The following CFAP44 variants were observed in gnomAD, a reference collection of about 807,000 sequenced individuals.
CFAP44 encodes cilia and flagella associated protein 44.
In CFAP44, 134 loss-of-function variants were observed where a neutral mutation model predicts 216.2. The observed-to-expected ratio is 0.62, with a 90% CI of 0.54 to 0.72. The LOEUF is 0.72. CFAP44 is among the 30% of genes least tolerant of loss of function. The pLI is 0.00. For synonymous variants in CFAP44, 700 were observed against 727.6 expected, an observed-to-expected ratio of 0.96 and a Z score of 0.61; for missense variants, 2,035 against 2,182.1, an observed-to-expected ratio of 0.93 and a Z score of 1.34.
intron 6 of CFAP44, among the ~76,000 whole-genome samples, chr3:113,411,319 T>C (rs1934463992): frequency 6.6e-6 from 1 of 152,228 alleles, no homozygotes; most frequent in Non-Finnish European, 1.5e-5. Context: ...AATTAATTTT[T>C]GTATAAGGTG....
chr3:113,387,308 G>A (rs1171333425), intron 15 of CFAP44, among the ~76,000 whole-genome samples: 2 of 152,078 alleles, frequency 1.3e-5, no homozygotes, highest in African/African-American at 4.8e-5. Context: ...GAGAGGAGGG[G>A]GAAAAATAAA....
Position 113,427,205 on chromosome 3 carries a change from C to G in CFAP44, c.235G>C (p.Asp79His), listed in dbSNP as rs762328209. ...EGSLSSFQYG[D>H]LQSTTVPQQT... is the part of the protein sequence containing the mutation. Reference sequence around the variant, plus strand: ...TACCTACCTGTAGTGCTTTGCAAATCACCATACTGAAATGAACTCAAACTT... The same window carrying G: ...TACCTACCTGTAGTGCTTTGCAAATGACCATACTGAAATGAACTCAAACTT... The change falls in exon 3 of 35, where the codon GAT becomes CAT. Residue 79 changes from aspartate (D) to histidine (H), a missense_variant. This residue lies in a region of CFAP44 where 149 missense variants were observed against 141.8 expected (regional missense o/e 1.05). Transcript: ENST00000393845. The G allele has an allele frequency of 1.1e-5, 18 of 1,612,882 alleles. No homozygotes were observed. Among genetic ancestry groups the G allele is most frequent in the Non-Finnish European group, 1.4e-5 (17 of 1,179,718 alleles).
In CFAP44 at chr3:113,366,305, T is replaced by A; in HGVS notation, c.2449A>T (p.Asn817Tyr). ...ATTCCACAAAACATCATAACTTTGT[T>A]AATGCTACGAAACAAAAAATGTAAA... ...NPIQTITFNI[N>Y]KVMMFCGMKN... The change falls in exon 19 of 35, where the codon AAC becomes TAC. Residue 817 changes from asparagine to tyrosine, a missense_variant. By Grantham distance (143) the Asn-to-Tyr change is moderately radical. Around this residue, in one of 3 missense-constraint regions of CFAP44, gnomAD observed 1,883 missense variants for 2,023.7 expected, o/e 0.93. Transcript: ENST00000393845. The A allele has an allele frequency of 6.3e-7, 1 of 1,591,618 alleles. No individual in the cohort carries two copies. Among genetic ancestry groups the A allele is most frequent in the Non-Finnish European group, 8.6e-7 (1 of 1,164,082 alleles).
At chr3:113,304,434 G>A (rs1473586711) in intron 31 of CFAP44, among the ~76,000 whole-genome samples, 1 of 151,998 alleles carries the variant, frequency 6.6e-6, no homozygotes, top group Non-Finnish European at 1.5e-5. Context: ...ATCCAGTTTG[G>A]GTCAGGTTAC....
intron 17 of CFAP44, among the ~76,000 whole-genome samples, chr3:113,375,437 A>G (rs1933312507): frequency 1.3e-5 from 2 of 152,234 alleles, no homozygotes; most frequent in East Asian, 3.8e-4. Context: ...AGGCTAAAGC[A>G]TGGAGAAAGA....
chr3:113,439,273 T>C (rs6780086), intron 1 of CFAP44, among the ~76,000 whole-genome samples: 6,420 of 152,180 alleles, frequency 0.042, 211 homozygotes, highest in African/African-American at 0.083. Context: ...CCCTGACAAA[T>C]AGAGCTGGGG....
At position 113,287,709 on chromosome 3, in the gene CFAP44, C is replaced by G; in HGVS notation, c.*3848G>C. 1 of 152,226 alleles carries G rather than the reference C, an allele frequency of 6.6e-6. No homozygotes were observed. Among genetic ancestry groups the G allele is most frequent in the East Asian group, 1.9e-4 (1 of 5,198 alleles). 9.4% of individuals were successfully genotyped at this position (152,226 alleles called of 1,614,324 possible). On this transcript the variant is annotated 3_prime_UTR_variant, in exon 35 of 35. Transcript: ENST00000393845. ...GACCAGGAAAAACAGGTTCATAGTT[C>G]TCTTACCAACTGGACTTGAGATGAA...
chr3:113,298,909 G>A (rs758152069), intron 32 of CFAP44, among the ~76,000 whole-genome samples: 1 of 152,128 alleles, frequency 6.6e-6, no homozygotes, highest in Non-Finnish European at 1.5e-5. Context: ...GATGGATGGT[G>A]GTGATGGTTG....
intron 15 of CFAP44, among the ~76,000 whole-genome samples, chr3:113,390,701 G>A (rs1156315188): frequency 3.3e-5 from 5 of 151,792 alleles, no homozygotes; most frequent in Admixed American, 6.6e-5. Context: ...TACACCAACA[G>A]CAAACAATCT....
intron 6 of CFAP44, among the ~76,000 whole-genome samples, chr3:113,411,557 T>C (rs1431394667): frequency 3.3e-5 from 5 of 152,208 alleles, no homozygotes; most frequent in Non-Finnish European, 7.3e-5. Context: ...AGCCTTGTAG[T>C]ATAGTTTGAA....
intron 24 of CFAP44, among the ~76,000 whole-genome samples, chr3:113,339,456 A>G (rs960518009): frequency 7.2e-5 from 11 of 152,162 alleles, no homozygotes; most frequent in Non-Finnish European, 1.3e-4. Flanking sequence ...GTATGTACCA[A>G]TGAAGTAGGG....
intron 22 of CFAP44, among the ~76,000 whole-genome samples, chr3:113,348,979 TAGAATGAC>T (rs1266731296): frequency 6.6e-6 from 1 of 152,176 alleles, no homozygotes; most frequent in Non-Finnish European, 1.5e-5. Context: ...AAGTAAATGA[TAGAATGAC>T]AGCCGAAGAA....
At chr3:113,309,874 T>C (rs77523117) in intron 28 of CFAP44, among the ~76,000 whole-genome samples, 4,378 of 152,158 alleles carry the variant, frequency 0.029, 110 homozygotes, top group East Asian at 0.1. Context: ...AACAGATCTA[T>C]AGACACAGAA....
intron 8 of CFAP44, among the ~76,000 whole-genome samples, chr3:113,406,431 T>C (rs1428212272): frequency 2.6e-5 from 4 of 152,278 alleles, no homozygotes; most frequent in Non-Finnish European, 5.9e-5. Context: ...AAGACCATCC[T>C]GGCTAACACG....
intron 18 of CFAP44, among the ~76,000 whole-genome samples, chr3:113,370,313 T>C (rs1465318392): frequency 2.0e-5 from 3 of 152,078 alleles, no homozygotes; most frequent in Non-Finnish European, 2.9e-5. Context: ...CTGATGAACA[T>C]AGACACAAAA....
intron 34 of CFAP44, among the ~76,000 whole-genome samples, chr3:113,292,710 T>C (rs1004786460): frequency 2.0e-5 from 3 of 152,236 alleles, no homozygotes; most frequent in African/African-American, 4.8e-5. Flanking sequence ...TAAAAGTCCA[T>C]ACTTTTTCCA....
At chr3:113,433,296 G>GC (rs1935152398) in intron 2 of CFAP44, among the ~76,000 whole-genome samples, 2 of 151,656 alleles carry the variant, frequency 1.3e-5, no homozygotes, top group Admixed American at 1.3e-4. Context: ...GGGTGTGGTA[G>GC]CAGGCACCTG....
chr3:113,341,913 T>G lies in CFAP44; in HGVS notation c.3268A>C (p.Ser1090Arg). ...RKDSQRDAGG[S>R]VTIQEESIIE... is the part of the protein sequence containing the mutation. Reference sequence around the variant, plus strand: ...ATTGATTCTTCTTGTATGGTAACACTCCCACCTACATAGAGAATCAACATT... The same window carrying G: ...ATTGATTCTTCTTGTATGGTAACACGCCCACCTACATAGAGAATCAACATT... Residue 1090 changes from serine to arginine, a missense_variant, in exon 24 of 35, where the codon AGT becomes CGT. Around this residue, in one of 3 missense-constraint regions of CFAP44, gnomAD observed 1,883 missense variants for 2,023.7 expected, o/e 0.93. Transcript: ENST00000393845. 6.6e-7 allele frequency: 1 copy of G among 1,523,262 alleles called. No homozygotes were observed. 94.4% of individuals were successfully genotyped at this position (1,523,262 alleles called of 1,614,324 possible).
At chr3:113,324,085 C>T (rs1470705388) in intron 28 of CFAP44, among the ~76,000 whole-genome samples, 2 of 149,634 alleles carry the variant, frequency 1.3e-5, no homozygotes. Flanking sequence ...TTTGAACAAC[C>T]CTATAACTAT....
Sources: allele counts gnomAD v4.1 joint callset (sites outside exome capture counted in the v4.1 genomes callset), GRCh38; gene constraint gnomAD v4.1.1; regional missense constraint gnomAD v4.1.1; transcripts MANE v1.5; gene names NCBI Gene and HGNC (gene_info 2026-07-23, HGNC 2026-07-21).